The following CREB5 variants were observed in gnomAD, a reference collection of about 807,000 sequenced individuals.
CREB5 encodes the protein cAMP responsive element binding protein 5, also known as cyclic AMP-responsive element-binding protein 5.
Under a neutral mutation model 57.1 loss-of-function variants are expected in CREB5, and 19 were observed. That is an observed-to-expected ratio of 0.33 (90% CI 0.23 to 0.49). CREB5 has a LOEUF of 0.49. Ranked by LOEUF, CREB5 falls within the 20% of genes least tolerant of loss-of-function variation. The pLI, the probability that CREB5 is intolerant of heterozygous loss-of-function variation, is 0.99. For synonymous variants in CREB5, 238 were observed against 238.3 expected, an observed-to-expected ratio of 1.00 and a Z score of 0.01; for missense variants, 579 against 671.6, an observed-to-expected ratio of 0.86 and a Z score of 1.52.
intron 5 of CREB5, among the ~76,000 whole-genome samples, chr7:28,655,822 G>A (rs369913372): frequency 9.9e-5 from 15 of 152,036 alleles, no homozygotes; most frequent in African/African-American, 3.6e-4. Context: ...TGGAATTTTT[G>A]TTTATATCTT....
At chr7:28,434,985 T>A (rs1245012803) in intron 1 of CREB5, among the ~76,000 whole-genome samples, 1 of 152,194 alleles carries the variant, frequency 6.6e-6, no homozygotes, top group Non-Finnish European at 1.5e-5. Flanking sequence ...ATGTCTTATT[T>A]TTCTAATTAG....
rs186357371 is a variant in CREB5 at position 28,341,850 on chromosome 7, A to T, written c.-25+42409A>T. On this transcript the variant is annotated intron_variant, in intron 1 of 9. Coordinates refer to the CREB5 transcript ENST00000396299. ...GGATTGATCCCAAGTTCACTAGAAT[A>T]TATGTACCTTTACCCCTTTCTTGAA... 4.6e-5 allele frequency among the ~76,000 whole-genome samples: 7 copies of T among 152,346 alleles called. No individual in the cohort carries two copies. The East Asian group carries it at 1.3e-3, about 29-fold the overall frequency.
At chr7:28,370,604 T>C (rs1269222496) in intron 1 of CREB5, among the ~76,000 whole-genome samples, 1 of 152,196 alleles carries the variant, frequency 6.6e-6, no homozygotes, top group African/African-American at 2.4e-5. Flanking sequence ...AAATATATTT[T>C]ATACTTAAAT....
chr7:28,378,254 C>T (rs1786884861), intron 1 of CREB5, among the ~76,000 whole-genome samples: 1 of 151,510 alleles, frequency 6.6e-6, no homozygotes, highest in South Asian at 2.1e-4. Context: ...AAGTTAAGAC[C>T]TATTAGATTG....
intron 1 of CREB5, among the ~76,000 whole-genome samples, chr7:28,326,199 AT>A (rs1266027227): frequency 1.8e-4 from 26 of 145,160 alleles, no homozygotes; most frequent in East Asian, 5.8e-4. Context: ...CTATCTATCT[AT>A]CTATCTATCT....
chr7:28,748,465 C>T (rs1804796135), intron 7 of CREB5, among the ~76,000 whole-genome samples: 1 of 152,170 alleles, frequency 6.6e-6, no homozygotes, highest in Non-Finnish European at 1.5e-5. Context: ...TAAGTGTGAT[C>T]CTGCTAAAAC....
chr7:28,321,889 A>G (rs988351062), intron 1 of CREB5, among the ~76,000 whole-genome samples: 2 of 152,240 alleles, frequency 1.3e-5, no homozygotes, highest in East Asian at 3.8e-4. Context: ...TGAAGTTGGC[A>G]CTGACAGTAG....
intron 7 of CREB5, among the ~76,000 whole-genome samples, chr7:28,742,369 A>T (rs187125533): frequency 2.2e-3 from 340 of 152,212 alleles, no homozygotes; most frequent in Middle Eastern, 3.4e-3. Flanking sequence ...GATCGAGACC[A>T]TCCTGGCTAA....
At chr7:28,761,068 A>G (rs1251451868) in intron 7 of CREB5, among the ~76,000 whole-genome samples, 2 of 152,172 alleles carry the variant, frequency 1.3e-5, no homozygotes, top group African/African-American at 4.8e-5. Context: ...ACACATTTAA[A>G]CCAAAATGAA....
chr7:28,464,710 T>TTA lies in CREB5; in HGVS notation c.4-23465_4-23464insTA, dbSNP rs1554327269. ...ATCTACTTTTGTTTCAAGTTATTTT[T>TTA]AAAAAAAAAAAAAAGACTGCTAAAC... is the stretch of plus-strand genomic sequence containing the variant. On this transcript the variant is annotated intron_variant, in intron 1 of 10. Coordinates refer to ENST00000357727, the MANE Select transcript of CREB5 (RefSeq NM_182898.4). Among the ~76,000 whole-genome samples the TTA allele has an allele frequency of 3.0e-3, 433 of 146,304 alleles. 2 individuals are homozygous for TTA. Among genetic ancestry groups the TTA allele is most frequent in the African/African-American group, 9.6e-3 (384 of 40,116 alleles).
intron 4 of CREB5, among the ~76,000 whole-genome samples, chr7:28,535,564 T>C (rs1793928691): frequency 6.6e-6 from 1 of 151,864 alleles, no homozygotes; most frequent in African/African-American, 2.4e-5. Flanking sequence ...TCAGACACTA[T>C]ATCATCTTAA....
chr7:28,347,045 T>C (rs1017104458), intron 1 of CREB5, among the ~76,000 whole-genome samples: 1 of 152,230 alleles, frequency 6.6e-6, no homozygotes, highest in Non-Finnish European at 1.5e-5. Context: ...TGAACCCAAT[T>C]GCTCTGTGAA....
At chr7:28,450,516 C>T (rs1789743950) in intron 1 of CREB5, among the ~76,000 whole-genome samples, 1 of 152,166 alleles carries the variant, frequency 6.6e-6, no homozygotes, top group South Asian at 2.1e-4. Flanking sequence ...AGGAAATGCC[C>T]AACATAGATT....
At chr7:28,422,497 G>A (rs76771461) in intron 1 of CREB5, among the ~76,000 whole-genome samples, 2,019 of 152,198 alleles carry the variant, frequency 0.013, 20 homozygotes, top group Non-Finnish European at 0.021. Context: ...TAAAAGCTAT[G>A]AGCCAGTTTT....
intron 7 of CREB5, among the ~76,000 whole-genome samples, chr7:28,791,835 A>G (rs998013517): frequency 3.3e-5 from 5 of 152,202 alleles, no homozygotes; most frequent in Non-Finnish European, 7.3e-5. Flanking sequence ...CAGTTGTGAC[A>G]ATGTGATTTA....
intron 4 of CREB5, among the ~76,000 whole-genome samples, chr7:28,540,033 A>C (rs1794144369): frequency 6.6e-6 from 1 of 152,200 alleles, no homozygotes; most frequent in South Asian, 2.1e-4. Flanking sequence ...TCAAGCCTAG[A>C]GTCTTGAGAG....
intron 4 of CREB5, among the ~76,000 whole-genome samples, chr7:28,514,013 T>C (rs1449719030): frequency 1.3e-5 from 2 of 152,222 alleles, no homozygotes; most frequent in Admixed American, 1.3e-4. Context: ...AAGTGTTCGA[T>C]GTAGATGATG....
At chr7:28,745,572 C>T (rs74511161) in intron 7 of CREB5, among the ~76,000 whole-genome samples, 9,332 of 152,220 alleles carry the variant, frequency 0.061, 382 homozygotes, top group Non-Finnish European at 0.091. Flanking sequence ...ATTCTGAGAA[C>T]GGAGCAGGCG....
At chr7:28,717,296 T>C (rs981491084) in intron 5 of CREB5, among the ~76,000 whole-genome samples, 1 of 152,116 alleles carries the variant, frequency 6.6e-6, no homozygotes, top group Non-Finnish European at 1.5e-5. Flanking sequence ...TTATATTCTT[T>C]TATATTTTCA....
Sources: gnomAD v4.1 joint callset for allele counts (sites outside exome capture counted in the v4.1 genomes callset) on GRCh38, gnomAD v4.1.1 for gene constraint, MANE v1.5 for transcripts, NCBI Gene and HGNC (gene_info 2026-07-23, HGNC 2026-07-21) for gene names.